Variants in RILPL2 observed in about 807,000 individuals in gnomAD.
The protein encoded by RILPL2 is RILP-like protein 2.
In RILPL2, 19 loss-of-function variants were observed where a neutral mutation model predicts 22.2. The ratio of observed to expected loss-of-function variants is 0.86; its 90% CI spans 0.60 to 1.25. RILPL2 has a LOEUF of 1.25. Ranked by LOEUF, RILPL2 falls within the 50% of genes most tolerant of loss-of-function variation. The probability of loss-of-function intolerance (pLI) is 0.00; values close to 1 mark genes in which losing one functional copy is unlikely to be tolerated. For missense variants in RILPL2, 243 were observed against 263.6 expected, an observed-to-expected ratio of 0.92 and a Z score of 0.54; for synonymous variants, 123 against 111.6, an observed-to-expected ratio of 1.10 and a Z score of -0.64.
chr12:123,423,016 G>T, intron 3 of RILPL2, 28 bp downstream of exon 3: 1 of 1,498,622 alleles, frequency 6.7e-7, no homozygotes, highest in South Asian at 1.1e-5. Flanking sequence ...TATTTGGCGG[G>T]ACCGGGGGGC....
At chr12:123,414,765 CTAAAAATACAAAAAAAT>C (rs1879068843), downstream of RILPL2, 1 of 152,222 alleles carries the variant, frequency 6.6e-6, no homozygotes, top group South Asian at 2.1e-4. Flanking sequence ...CCTGTCTCTA[CTAAAAATACAAAAAAAT>C]TAGACGAGTG....
At chr12:123,417,738 A>G (rs1879158231) in intron 3 of RILPL2, among the ~76,000 whole-genome samples, 2 of 152,152 alleles carry the variant, frequency 1.3e-5, no homozygotes, top group Non-Finnish European at 2.9e-5. Context: ...GGCATGCGCC[A>G]CCACGCCCAG....
intron 3 of RILPL2, among the ~76,000 whole-genome samples, chr12:123,416,668 T>C (rs1413083278): frequency 6.6e-6 from 1 of 152,178 alleles, no homozygotes; most frequent in Admixed American, 6.5e-5. Flanking sequence ...ACACATTCAT[T>C]CGTTCATTCA....
downstream of RILPL2, chr12:123,410,805 C>T (rs1878952213): frequency 1.3e-5 from 2 of 151,998 alleles, no homozygotes; most frequent in Non-Finnish European, 2.9e-5. Context: ...ATTTGGCTAG[C>T]TTCTATTCAG....
At chr12:123,422,145 G>A (rs1879302169) in intron 3 of RILPL2, among the ~76,000 whole-genome samples, 1 of 151,460 alleles carries the variant, frequency 6.6e-6, no homozygotes, top group African/African-American at 2.4e-5. Flanking sequence ...CTGAGTAGCT[G>A]GGACCACAGG....
At chr12:123,410,262 G>C (rs991937349), downstream of RILPL2, among the ~76,000 whole-genome samples, 2 of 152,156 alleles carry the variant, frequency 1.3e-5, no homozygotes, top group African/African-American at 4.8e-5. Context: ...ATTCTCAGGA[G>C]GCTCTGAATC....
chr12:123,416,000 A>G, intron 3 of RILPL2, 79 bp from the exon 4 acceptor site: 1 of 1,423,922 alleles, frequency 7.0e-7, no homozygotes, highest in South Asian at 1.1e-5. Context: ...AAAATTTCTA[A>G]GTAGCTCTTG....
intron 3 of RILPL2, among the ~76,000 whole-genome samples, chr12:123,419,157 C>T (rs1156529685): frequency 2.0e-5 from 3 of 151,684 alleles, no homozygotes; most frequent in African/African-American, 7.3e-5. Context: ...AATACAGGCG[C>T]CCACTACCAT....
intron 2 of RILPL2, among the ~76,000 whole-genome samples, chr12:123,430,183 G>A (rs1034930901): frequency 6.6e-5 from 10 of 150,866 alleles, no homozygotes; most frequent in Non-Finnish European, 8.8e-5. Context: ...GCCAAGGTGG[G>A]CAGATCAGGA....
chr12:123,427,251 T>C (rs1280343488), intron 2 of RILPL2, among the ~76,000 whole-genome samples: 1 of 152,102 alleles, frequency 6.6e-6, no homozygotes, highest in Non-Finnish European at 1.5e-5. Context: ...GACCTCTCCA[T>C]GGGACTTCCC....
chr12:123,433,773 A>G (rs1737814839), intron 1 of RILPL2, among the ~76,000 whole-genome samples: 1 of 152,132 alleles, frequency 6.6e-6, no homozygotes, highest in South Asian at 2.1e-4. Flanking sequence ...ACTAGATGTG[A>G]GCTTCTTGAG....
downstream of RILPL2, chr12:123,413,980 A>C (rs1879046573): frequency 6.6e-6 from 1 of 152,226 alleles, no homozygotes; most frequent in African/African-American, 2.4e-5. Context: ...CGATTGGTGT[A>C]TTTACAATCC....
rs1300531668 is a variant in RILPL2 at position 123,415,433 on chromosome 12, A to G, written c.*458T>C. 1.2e-5 allele frequency: 2 copies of G among 172,384 alleles called. No homozygotes were observed. The highest frequency in any genetic ancestry group is 2.5e-5 in the Non-Finnish European group (2 of 79,960). 10.7% of individuals were successfully genotyped at this position (172,384 alleles called of 1,614,324 possible). On this transcript the variant is annotated 3_prime_UTR_variant, in exon 4 of 4. Transcript: ENST00000280571. Reference sequence around the variant, plus strand: ...TACTTTAATACAAAATCACATAAAGAAAGGCATGTTGGCTAAATCAAATAT... The same window carrying G: ...TACTTTAATACAAAATCACATAAAGGAAGGCATGTTGGCTAAATCAAATAT...
intron 2 of RILPL2, among the ~76,000 whole-genome samples, chr12:123,424,873 TA>T (rs1186471590): frequency 1.1e-4 from 16 of 152,194 alleles, no homozygotes; most frequent in Non-Finnish European, 7.4e-5. Context: ...ATTTTATTTT[TA>T]AAAATTTTCA....
intron 3 of RILPL2, among the ~76,000 whole-genome samples, chr12:123,416,273 G>A (rs549938145): frequency 1.1e-3 from 173 of 151,398 alleles, no homozygotes; most frequent in African/African-American, 4.1e-3. Context: ...GCAGTGAGCC[G>A]AGATTGCGCC....
At chr12:123,432,149 G>A (rs186121823) in intron 1 of RILPL2, among the ~76,000 whole-genome samples, 4 of 151,894 alleles carry the variant, frequency 2.6e-5, no homozygotes, top group Non-Finnish European at 4.4e-5. Flanking sequence ...CGCCCACCTC[G>A]GCCTCCCAAA....
intron 3 of RILPL2, among the ~76,000 whole-genome samples, chr12:123,416,901 C>G (rs1285742577): frequency 1.3e-5 from 2 of 152,282 alleles, no homozygotes; most frequent in Admixed American, 1.3e-4. Context: ...TGATTTGCAA[C>G]AAGACAGCCA....
chr12:123,412,059 G>A (rs1257812522), downstream of RILPL2: 1 of 152,094 alleles, frequency 6.6e-6, no homozygotes, highest in Admixed American at 6.6e-5. Context: ...TTAGTCTCCT[G>A]GGGTACCACA....
At chr12:123,423,714 C>T (rs1043641542) in intron 2 of RILPL2, among the ~76,000 whole-genome samples, 3 of 150,808 alleles carry the variant, frequency 2.0e-5, no homozygotes, top group Non-Finnish European at 4.4e-5. Context: ...AGTGCAGTGG[C>T]GCGATCTCGG....
Sources: gnomAD v4.1 joint callset for allele counts (sites outside exome capture counted in the v4.1 genomes callset) on GRCh38, gnomAD v4.1.1 for gene constraint, MANE v1.5 for transcripts, NCBI Gene and HGNC (gene_info 2026-07-23, HGNC 2026-07-21) for gene names.